The following DACH2 variants were observed in gnomAD, a reference collection of about 807,000 sequenced individuals.
DACH2 encodes the protein dachshund homolog 2.
In DACH2, 17 loss-of-function variants were observed where a neutral mutation model predicts 35.8. The observed-to-expected ratio is 0.48, with a 90% CI of 0.33 to 0.71. The LOEUF (loss-of-function observed/expected upper bound fraction) is 0.71, where lower values mean the gene tolerates loss of function less well. Among genes scored for constraint, DACH2 ranks in the 30% least tolerant of loss-of-function variants. The probability of loss-of-function intolerance (pLI) is 0.02; values close to 1 mark genes in which losing one functional copy is unlikely to be tolerated. For missense variants in DACH2, 469 were observed against 472.7 expected, an observed-to-expected ratio of 0.99 and a Z score of 0.07; for synonymous variants, 195 against 177.3, an observed-to-expected ratio of 1.10 and a Z score of -0.79.
intron 3 of DACH2, among the ~76,000 whole-genome samples, chrX:86,571,178 A>T (rs1335868440): frequency 9.0e-6 from 1 of 111,077 alleles, no homozygotes; most frequent in Admixed American, 9.6e-5. Context: ...TCCCAGAATC[A>T]TTTGTTAAAA....
chrX:86,409,650 C>G (rs1174922565), intron 2 of DACH2, among the ~76,000 whole-genome samples: 2 of 111,672 alleles, frequency 1.8e-5, no homozygotes, highest in Non-Finnish European at 3.8e-5. Flanking sequence ...GATGCCACCA[C>G]ACTTTCTGTA....
At chrX:86,661,347 G>T (rs1004256084) in intron 4 of DACH2, among the ~76,000 whole-genome samples, 2 of 112,331 alleles carry the variant, frequency 1.8e-5, no homozygotes, top group Non-Finnish European at 3.8e-5. Context: ...CATCCGCAAA[G>T]AACCTGGAAA....
intron 4 of DACH2, among the ~76,000 whole-genome samples, chrX:86,682,571 G>T (rs746881636): frequency 1.2e-4 from 13 of 111,752 alleles, no homozygotes; most frequent in Non-Finnish European, 2.4e-4. Context: ...CATATATGTG[G>T]TAAGTGTTTT....
chrX:86,359,497 C>T (rs753762424), intron 1 of DACH2, among the ~76,000 whole-genome samples: 47 of 111,723 alleles, frequency 4.2e-4, no homozygotes, highest in African/African-American at 1.5e-3. Flanking sequence ...CCTGTAATCC[C>T]AGCACTTTGG....
intron 7 of DACH2, among the ~76,000 whole-genome samples, chrX:86,756,798 C>A (rs2041834123): frequency 9.0e-6 from 1 of 111,403 alleles, no homozygotes; most frequent in Non-Finnish European, 1.9e-5. Context: ...AAGTGGGCAT[C>A]CTCATCTTAT....
chrX:86,248,409 T>C (rs1486373475), intron 1 of DACH2, among the ~76,000 whole-genome samples: 1 of 110,813 alleles, frequency 9.0e-6, no homozygotes, highest in Admixed American at 9.6e-5. Context: ...ACCTCCAAGC[T>C]GAGAGCCTTA....
chrX:86,630,187 T>C (rs1052175416), intron 3 of DACH2, among the ~76,000 whole-genome samples: 6 of 110,408 alleles, frequency 5.4e-5, no homozygotes, highest in African/African-American at 2.0e-4. Context: ...AAATATTACA[T>C]GTGTAAAGCT....
At chrX:86,270,736 T>A (rs1000597964) in intron 1 of DACH2, among the ~76,000 whole-genome samples, 1 of 111,765 alleles carries the variant, frequency 8.9e-6, no homozygotes, top group East Asian at 2.8e-4. Context: ...ATTGTTATAT[T>A]TGGATAATGG....
chrX:86,520,667 T>TA (rs1446893755), intron 3 of DACH2, among the ~76,000 whole-genome samples: 1 of 111,651 alleles, frequency 9.0e-6, no homozygotes, highest in Non-Finnish European at 1.9e-5. Context: ...TGCCCCTTCT[T>TA]AAAAATATTT....
chrX:86,531,619 A>T (rs1173711313), intron 3 of DACH2, among the ~76,000 whole-genome samples: 1 of 112,135 alleles, frequency 8.9e-6, no homozygotes. Flanking sequence ...ATTTCAGAGG[A>T]TGTATGGAAA....
At chrX:86,255,630 C>T (rs192516471) in intron 1 of DACH2, among the ~76,000 whole-genome samples, 14 of 111,415 alleles carry the variant, frequency 1.3e-4, no homozygotes, top group Admixed American at 1.9e-4. Context: ...AGCACACGAC[C>T]GTGTTTGTAG....
At chrX:86,294,219 C>A (rs1385450277) in intron 1 of DACH2, among the ~76,000 whole-genome samples, 2 of 111,820 alleles carry the variant, frequency 1.8e-5, no homozygotes, top group African/African-American at 6.5e-5. Flanking sequence ...ATTGCATCGG[C>A]TCCTGAGGCT....
intron 3 of DACH2, among the ~76,000 whole-genome samples, chrX:86,561,622 C>T (rs111508010): frequency 0.075 from 1,033 of 13,704 alleles, 21 homozygotes; most frequent in Non-Finnish European, 0.094. Flanking sequence ...AAATTGGAAA[C>T]CATCATTCTC....
intron 7 of DACH2, among the ~76,000 whole-genome samples, chrX:86,773,346 T>C (rs1284357475): frequency 8.9e-6 from 1 of 111,747 alleles, no homozygotes; most frequent in East Asian, 2.8e-4. Context: ...ATTTTGAGAG[T>C]AAAATTTAGA....
At chrX:86,829,624 A>G (rs2042594614) in intron 11 of DACH2, 1 of 112,184 alleles carries the variant, frequency 8.9e-6, no homozygotes, top group African/African-American at 3.2e-5. Context: ...TGGCCCAGTA[A>G]AGATAACTCA....
chrX:86,701,929 T>C (rs749842850), intron 5 of DACH2, among the ~76,000 whole-genome samples: 1 of 111,632 alleles, frequency 9.0e-6, no homozygotes, highest in South Asian at 3.8e-4. Context: ...TGCTTATTAC[T>C]TGTATGAGGA....
intron 4 of DACH2, among the ~76,000 whole-genome samples, chrX:86,675,662 G>T (rs1313434291): frequency 3.6e-5 from 4 of 111,684 alleles, no homozygotes; most frequent in Non-Finnish European, 7.5e-5. Context: ...TCCAGCCTTG[G>T]TGACAGAGTG....
intron 7 of DACH2, among the ~76,000 whole-genome samples, chrX:86,797,550 C>G (rs946184876): frequency 1.8e-5 from 2 of 110,628 alleles, no homozygotes; most frequent in Admixed American, 1.9e-4. Flanking sequence ...CCATATGGAT[C>G]CGTAAATATT....
intron 2 of DACH2, among the ~76,000 whole-genome samples, chrX:86,446,119 G>C (rs1246951802): frequency 9.1e-6 from 1 of 110,459 alleles, no homozygotes; most frequent in Non-Finnish European, 1.9e-5. Context: ...TTTTGTCTCT[G>C]TATGGTTTTC....
Sources: gnomAD v4.1 joint callset for allele counts (sites outside exome capture counted in the v4.1 genomes callset) on GRCh38, gnomAD v4.1.1 for gene constraint, MANE v1.5 for transcripts, NCBI Gene and HGNC (gene_info 2026-07-23, HGNC 2026-07-21) for gene names.